Variants in KLF12 observed in about 807,000 individuals in gnomAD.
The protein encoded by KLF12 is Krueppel-like factor 12.
A neutral mutation model predicts 37.8 loss-of-function variants in KLF12; 9 were observed. The ratio of observed to expected loss-of-function variants is 0.24; its 90% CI spans 0.14 to 0.42. The LOEUF is 0.42. Ranked by LOEUF, KLF12 falls within the 10% of genes least tolerant of loss-of-function variation. The pLI is 1.00. For synonymous variants in KLF12, 208 were observed against 202.1 expected, an observed-to-expected ratio of 1.03 and a Z score of -0.25; for missense variants, 411 against 516.0, an observed-to-expected ratio of 0.80 and a Z score of 1.97.
chr13:74,161,963 A>G, the KLF12 span, among the ~76,000 whole-genome samples: 3 of 152,358 alleles, frequency 2.0e-5, no homozygotes, highest in Admixed American at 2.0e-4. Flanking sequence ...TTAAATCAAT[A>G]TATTTTAAAA....
chr13:73,888,055 T>C (rs898017197), intron 3 of KLF12, among the ~76,000 whole-genome samples: 1 of 152,030 alleles, frequency 6.6e-6, no homozygotes, highest in Non-Finnish European at 1.5e-5. Flanking sequence ...CAGGCTGGAA[T>C]GCAGTGGTAC....
At chr13:73,868,995 G>A (rs184464166) in intron 3 of KLF12, among the ~76,000 whole-genome samples, 1 of 152,232 alleles carries the variant, frequency 6.6e-6, no homozygotes, top group Non-Finnish European at 1.5e-5. Context: ...GTAGTGACTA[G>A]GATGAGACAT....
intron 4 of KLF12, among the ~76,000 whole-genome samples, chr13:73,819,989 G>A (rs569004488): frequency 1.2e-3 from 181 of 152,302 alleles, no homozygotes; most frequent in Middle Eastern, 3.4e-3. Flanking sequence ...AGGACAGAGA[G>A]AGGAGGCAGA....
rs76281935 is a variant in KLF12, at chr13:74,049,996, G to T, written c.-31-54943C>A. Among the ~76,000 whole-genome samples the T allele has an allele frequency of 8.0e-3, 1,062 of 132,794 alleles. 47 individuals are homozygous for T. The highest frequency in any genetic ancestry group is 0.069 in the Admixed American group (922 of 13,450). 87.1% of individuals were successfully genotyped at this position (132,794 alleles called of 152,430 possible). A position where few individuals can be genotyped will look rare whatever the true frequency, so the allele number is the denominator to read the frequency against. ...TTTTGTTGTTGTTGTTGTTGTTGTTGTTTTTAATTCCCTAAAGGAAGGACT... is the reference window on the plus strand; with the variant it reads ...TTTTGTTGTTGTTGTTGTTGTTGTTTTTTTTAATTCCCTAAAGGAAGGACT... On this transcript the variant is annotated intron_variant, in intron 1 of 7. Coordinates refer to ENST00000377669, the MANE Select transcript of KLF12 (RefSeq NM_007249.5).
chr13:73,937,771 C>T (rs562558005), intron 3 of KLF12, among the ~76,000 whole-genome samples: 1 of 152,306 alleles, frequency 6.6e-6, no homozygotes, highest in Admixed American at 6.5e-5. Context: ...TATCACAGCT[C>T]ATTGATTTTC....
chr13:73,912,423 G>A (rs930145670), intron 3 of KLF12, among the ~76,000 whole-genome samples: 4 of 152,120 alleles, frequency 2.6e-5, no homozygotes, highest in Non-Finnish European at 5.9e-5. Context: ...GTTAAGAAGA[G>A]GTCATACTGG....
the KLF12 span, among the ~76,000 whole-genome samples, chr13:74,254,427 G>A: frequency 3.9e-5 from 6 of 152,118 alleles, no homozygotes; most frequent in South Asian, 4.1e-4. Context: ...TCTGTGATGT[G>A]GCAAGTACTT....
At chr13:73,698,148 C>A (rs1021576799) in intron 7 of KLF12, among the ~76,000 whole-genome samples, 2 of 149,366 alleles carry the variant, frequency 1.3e-5, no homozygotes, top group African/African-American at 5.0e-5. Flanking sequence ...CAGAGTATGA[C>A]CCCGAAAGAA....
chr13:74,117,790 T>C (rs1055711383), intron 1 of KLF12, among the ~76,000 whole-genome samples: 2 of 152,092 alleles, frequency 1.3e-5, no homozygotes, highest in African/African-American at 4.8e-5. Flanking sequence ...AAGCATCAGA[T>C]GAACCAAAAC....
chr13:74,217,900 T>C, the KLF12 span, among the ~76,000 whole-genome samples: 1 of 152,232 alleles, frequency 6.6e-6, no homozygotes, highest in Admixed American at 6.5e-5. Flanking sequence ...TACAATGATG[T>C]GCTGGAATGT....
At chr13:73,747,028 G>C (rs1878421146) in intron 6 of KLF12, among the ~76,000 whole-genome samples, 1 of 151,902 alleles carries the variant, frequency 6.6e-6, no homozygotes, top group Non-Finnish European at 1.5e-5. Flanking sequence ...TGTTGGTCAG[G>C]CTGGTCTCGA....
chr13:73,800,722 A>C (rs1362993195), intron 5 of KLF12: 2 of 152,126 alleles, frequency 1.3e-5, no homozygotes, highest in Non-Finnish European at 2.9e-5. Context: ...TTAAAGCATT[A>C]AAATAATGCA....
At chr13:73,949,261 C>A (rs1434339597) in intron 2 of KLF12, among the ~76,000 whole-genome samples, 1 of 152,152 alleles carries the variant, frequency 6.6e-6, no homozygotes, top group Admixed American at 6.5e-5. Context: ...AAAATATGAA[C>A]ACCTTATTGA....
chr13:74,065,748 G>A (rs1359141896), intron 1 of KLF12, among the ~76,000 whole-genome samples: 3 of 151,962 alleles, frequency 2.0e-5, no homozygotes, highest in Non-Finnish European at 4.4e-5. Context: ...GCTTGGGACC[G>A]CAACTACAAA....
chr13:73,724,030 C>T (rs1184004568), intron 6 of KLF12, among the ~76,000 whole-genome samples: 5 of 152,122 alleles, frequency 3.3e-5, no homozygotes, highest in Non-Finnish European at 5.9e-5. Context: ...CCCAGCAATA[C>T]CATTTCTGGG....
intron 6 of KLF12, among the ~76,000 whole-genome samples, chr13:73,754,325 G>A (rs527986347): frequency 3.8e-4 from 58 of 152,246 alleles, no homozygotes; most frequent in Non-Finnish European, 7.5e-4. Context: ...ATATTGTTCT[G>A]GAGACTGGTG....
At chr13:74,293,543 T>C in the KLF12 span, among the ~76,000 whole-genome samples, 1 of 152,206 alleles carries the variant, frequency 6.6e-6, no homozygotes, top group South Asian at 2.1e-4. Flanking sequence ...TCACAGAATA[T>C]TTTAAGATCT....
chr13:73,898,293 G>A (rs1400538285), intron 3 of KLF12, among the ~76,000 whole-genome samples: 1 of 152,116 alleles, frequency 6.6e-6, no homozygotes, highest in Non-Finnish European at 1.5e-5. Context: ...GTTAAACAAT[G>A]ATTATCAGGT....
intron 1 of KLF12, among the ~76,000 whole-genome samples, chr13:74,050,813 C>T (rs1180505145): frequency 2.6e-5 from 4 of 152,084 alleles, no homozygotes; most frequent in Non-Finnish European, 2.9e-5. Flanking sequence ...ATCTGCTAAA[C>T]ATTCATTTGA....
Sources: allele counts gnomAD v4.1 joint callset (sites outside exome capture counted in the v4.1 genomes callset), GRCh38; gene constraint gnomAD v4.1.1; transcripts MANE v1.5; gene names NCBI Gene and HGNC (gene_info 2026-07-23, HGNC 2026-07-21).